Variants in ZNF182 observed in about 807,000 individuals in gnomAD.
ZNF182 encodes the protein zinc finger protein 182, also known as zinc finger protein 21 (KOX 14).
Under a neutral mutation model 28.1 loss-of-function variants are expected in ZNF182, and 10 were observed. The observed-to-expected ratio is 0.36, with a 90% CI of 0.22 to 0.60. The LOEUF is 0.60. Ranked by LOEUF, ZNF182 falls within the 20% of genes least tolerant of loss-of-function variation. The pLI is 0.75. For synonymous variants in ZNF182, 156 were observed against 158.7 expected (o/e 0.98, Z 0.13); for missense variants, 352 against 453.2 (o/e 0.78, Z 2.03).
At chrX:47,979,859 TGTGTGGG>T (rs1393196885) in intron 5 of ZNF182, among the ~76,000 whole-genome samples, 1 of 77,881 alleles carries the variant, frequency 1.3e-5, no homozygotes, top group Non-Finnish European at 2.5e-5. Flanking sequence ...TTTTAAAGTG[TGTGTGGG>T]GTGTGTGTGT....
Position 47,976,348 on chromosome X carries a change from CGGAA to C in ZNF182, c.1678_1681del (p.Phe560GlufsTer72). On this transcript the variant is annotated frameshift_variant, in exon 6 of 6. Transcript: ENST00000376943. LOFTEE classifies it high-confidence loss of function. ...ATGTACAGTGAATGTTGACTTTTCTCGGAAGGCTTTGCCACACTCAGTGCATGCA... is the reference window on the plus strand; with the variant it reads ...ATGTACAGTGAATGTTGACTTTTCTCGGCTTTGCCACACTCAGTGCATGCA... 2 of 1,207,090 alleles carry C rather than the reference CGGAA, an allele frequency of 1.7e-6. No homozygotes were observed. The highest frequency in any genetic ancestry group is 2.2e-6 in the Non-Finnish European group (2 of 893,702).
chrX:47,985,669 G>A (rs1334902198), intron 3 of ZNF182, among the ~76,000 whole-genome samples: 7 of 110,927 alleles, frequency 6.3e-5, no homozygotes, highest in Non-Finnish European at 9.4e-5. Flanking sequence ...AGTGTATACC[G>A]AGAACCCTTA....
intron 3 of ZNF182, among the ~76,000 whole-genome samples, chrX:47,999,445 A>G (rs2058971029): frequency 9.0e-6 from 1 of 110,764 alleles, no homozygotes; most frequent in Non-Finnish European, 1.9e-5. Flanking sequence ...AAAATAAGCC[A>G]GGTACAGAAA....
In ZNF182 at chrX:47,980,129, T is replaced by A. The variant is rs574955444; in HGVS notation, c.233-2332A>T. ...ATACTGTTCAGCCATAAAAAGGAAT[T>A]AAATACTGTCATTTGCAGCTACATG... On this transcript the variant is annotated intron_variant, in intron 5 of 5. Transcript: ENST00000376943. 1.3e-3 allele frequency among the ~76,000 whole-genome samples: 145 copies of A among 111,496 alleles called. 1 individual carries two copies. Among genetic ancestry groups the A allele is most frequent in the South Asian group, 2.2e-3 (6 of 2,676 alleles).
At chrX:47,995,740 C>T (rs2058956592) in intron 3 of ZNF182, among the ~76,000 whole-genome samples, 1 of 112,543 alleles carries the variant, frequency 8.9e-6, no homozygotes, top group South Asian at 3.6e-4. Context: ...TATCACCAAA[C>T]TGCTGAAAAC....
chrX:47,983,574 C>T (rs1230455658), intron 3 of ZNF182, among the ~76,000 whole-genome samples, 163 bp from the exon 4 acceptor site: 2 of 111,000 alleles, frequency 1.8e-5, no homozygotes, highest in East Asian at 2.8e-4. Flanking sequence ...AATCACAAAT[C>T]ATGGTTAAAA....
In ZNF182 at chrX:48,002,627, A is replaced by G. The variant is rs1449721197; in HGVS notation, c.-18T>C. 8.3e-7 allele frequency: 1 copy of G among 1,208,450 alleles called. No homozygotes were observed. Among genetic ancestry groups the G allele is most frequent in the Admixed American group, 2.2e-5 (1 of 45,619 alleles). On this transcript the variant is annotated 5_prime_UTR_variant, in exon 3 of 6. Coordinates refer to ENST00000376943, the MANE Select transcript of ZNF182 (RefSeq NM_001007088.2). Reference sequence around the variant, plus strand: ...TTGGCCATTTCCTGCTCTTCTTGGGAAAAAGCAGAGATGTGTGACGGCCGA... The same window carrying G: ...TTGGCCATTTCCTGCTCTTCTTGGGGAAAAGCAGAGATGTGTGACGGCCGA...
chrX:47,992,392 T>C (rs1452008932), intron 3 of ZNF182, among the ~76,000 whole-genome samples: 1 of 111,007 alleles, frequency 9.0e-6, no homozygotes, highest in Non-Finnish European at 1.9e-5. Flanking sequence ...AACCACCTAC[T>C]GGTGACCACC....
At chrX:47,980,865 T>C (rs1037457176) in intron 5 of ZNF182, among the ~76,000 whole-genome samples, 6 of 111,727 alleles carry the variant, frequency 5.4e-5, no homozygotes, top group African/African-American at 1.9e-4. Flanking sequence ...CATAAAAGGA[T>C]TCCTTAAAAA....
At chrX:47,978,070 T>C (rs1458684692) in intron 5 of ZNF182, among the ~76,000 whole-genome samples, 1 of 111,053 alleles carries the variant, frequency 9.0e-6, no homozygotes, top group African/African-American at 3.3e-5. Flanking sequence ...AGTTATCATA[T>C]AAACTTTTTT....
intron 3 of ZNF182, among the ~76,000 whole-genome samples, chrX:47,984,551 C>A (rs2058917349): frequency 9.1e-6 from 1 of 110,421 alleles, no homozygotes; most frequent in African/African-American, 3.3e-5. Flanking sequence ...AATTGTGGCA[C>A]AATCATTCAA....
intron 3 of ZNF182, among the ~76,000 whole-genome samples, chrX:47,999,048 C>G (rs2058969417): frequency 9.0e-6 from 1 of 111,161 alleles, no homozygotes; most frequent in African/African-American, 3.3e-5. Context: ...GAAAATGTGG[C>G]ATATATACAC....
chrX:48,001,097 T>G (rs189064401), intron 3 of ZNF182, among the ~76,000 whole-genome samples: 1 of 111,858 alleles, frequency 8.9e-6, no homozygotes, highest in East Asian at 2.8e-4. Context: ...CTAGGAGAAA[T>G]GAAAAATGGT....
rs1265919172 is a variant in ZNF182, at chrX:47,976,834, A to G, written c.1196T>C (p.Ile399Thr). ...TCCTGTATGAGTTCTTTGATGCACAATGAGGGTTGACTTCTCATTGAAAGA... is the reference window on the plus strand; with the variant it reads ...TCCTGTATGAGTTCTTTGATGCACAGTGAGGGTTGACTTCTCATTGAAAGA... Reference protein sequence around the residue: ...GKSFNEKSTLIVHQRTHTGEK... With the variant: ...GKSFNEKSTLTVHQRTHTGEK... The change falls in exon 6 of 6, where the codon ATT (isoleucine) becomes ACT (threonine). Residue 399 changes from isoleucine (I) to threonine (T), a missense_variant. Transcript: ENST00000376943. 7 of 1,207,490 alleles carry G rather than the reference A, an allele frequency of 5.8e-6. No homozygotes were observed. The highest frequency in any genetic ancestry group is 1.8e-5 in the South Asian group (1 of 56,151).
chrX:47,983,878 C>T (rs1012342168), intron 3 of ZNF182, among the ~76,000 whole-genome samples: 15 of 111,697 alleles, frequency 1.3e-4, no homozygotes, highest in African/African-American at 4.9e-4. Context: ...TAAAATAATA[C>T]AGGAAAATGT....
At chrX:47,998,356 C>T (rs781952836) in intron 3 of ZNF182, among the ~76,000 whole-genome samples, 3 of 111,319 alleles carry the variant, frequency 2.7e-5, no homozygotes, top group Admixed American at 9.6e-5. Context: ...ACTGAAATCA[C>T]GCAAAGGATA....
chrX:47,986,851 G>A (rs1373879698), intron 3 of ZNF182, among the ~76,000 whole-genome samples: 1 of 112,066 alleles, frequency 8.9e-6, no homozygotes, highest in Admixed American at 9.4e-5. Context: ...GATGCTTCCT[G>A]TCCTCAAACA....
intron 3 of ZNF182, among the ~76,000 whole-genome samples, chrX:47,994,653 G>A (rs1374936672): frequency 9.0e-6 from 1 of 111,546 alleles, no homozygotes; most frequent in Non-Finnish European, 1.9e-5. Flanking sequence ...TTTTTTGTGT[G>A]TGTAAGATGG....
chrX:47,999,232 TA>T (rs1336322472), intron 3 of ZNF182, among the ~76,000 whole-genome samples: 1 of 109,628 alleles, frequency 9.1e-6, no homozygotes, highest in Non-Finnish European at 1.9e-5. Context: ...ATACAATAAT[TA>T]GCCAGGCGTG....
Sources: allele counts gnomAD v4.1 joint callset (sites outside exome capture counted in the v4.1 genomes callset), GRCh38; gene constraint gnomAD v4.1.1; transcripts MANE v1.5; gene names NCBI Gene and HGNC (gene_info 2026-07-23, HGNC 2026-07-21).